The following ARSK variants were observed in gnomAD, a reference collection of about 807,000 sequenced individuals.
ARSK encodes the protein arylsulfatase family member K.
In ARSK, 37 loss-of-function variants were observed where a neutral mutation model predicts 53.2. That is an observed-to-expected ratio of 0.70 (90% CI 0.54 to 0.92). The LOEUF (loss-of-function observed/expected upper bound fraction) is 0.92, where lower values mean the gene tolerates loss of function less well. Ranked by LOEUF, ARSK falls within the 40% of genes least tolerant of loss-of-function variation. The pLI is 0.00. For missense variants in ARSK, 613 were observed against 643.0 expected, an observed-to-expected ratio of 0.95 and a Z score of 0.51; for synonymous variants, 208 against 223.2, an observed-to-expected ratio of 0.93 and a Z score of 0.61.
chr5:95,555,495 C>G lies in ARSK; in HGVS notation c.126+91C>G, dbSNP rs1748478784. The G allele has an allele frequency of 7.2e-7, 1 of 1,384,872 alleles. No individual in the cohort carries two copies. Among genetic ancestry groups the G allele is most frequent in the Non-Finnish European group, 9.6e-7 (1 of 1,043,182 alleles). 85.8% of individuals were successfully genotyped at this position (1,384,872 alleles called of 1,614,324 possible). ...TGCTGCAGGCTTTGGGGAGCAGAAC[C>G]TGAGACATTTTCAAACACCTTTTAC... On this transcript the variant is annotated intron_variant, in intron 1 of 7. Transcript: ENST00000380009. The surrounding 1 kb of genome is among the most constrained non-coding windows in gnomAD (Gnocchi z 4.0).
chr5:95,595,851 A>AT lies in ARSK; in HGVS notation c.1096+4230dup, dbSNP rs200126991. Among the ~76,000 whole-genome samples, 723 of 152,346 alleles carry AT rather than the reference A, an allele frequency of 4.7e-3. 3 individuals carry two copies. The highest frequency in any genetic ancestry group is 0.016 in the African/African-American group (677 of 41,584). ...AAACGTTGAAAAAAAAAGTCAATTA[A>AT]TTTTAACAAGTGAAATGTGTGAAAA... On this transcript the variant is annotated intron_variant, in intron 6 of 7. Coordinates refer to ENST00000380009, the MANE Select transcript of ARSK (RefSeq NM_198150.3).
chr5:95,580,957 T>G (rs1392887651), intron 3 of ARSK: 3 of 1,276,772 alleles, frequency 2.3e-6, no homozygotes, highest in Non-Finnish European at 2.0e-6. Flanking sequence ...AAATACCTTT[T>G]GCCTTTAACC....
chr5:95,601,330 A>G (rs2112451448), intron 7 of ARSK, among the ~76,000 whole-genome samples: 1 of 152,330 alleles, frequency 6.6e-6, no homozygotes, highest in South Asian at 2.1e-4. Flanking sequence ...GGCATCTTTC[A>G]GTACTCATGG....
At chr5:95,589,301 G>A (rs747542512) in intron 5 of ARSK, among the ~76,000 whole-genome samples, 13 of 152,148 alleles carry the variant, frequency 8.5e-5, no homozygotes, top group Admixed American at 6.5e-5. Context: ...TAAGTTCCAG[G>A]GTACATGTGC....
chr5:95,580,894 A>G, intron 3 of ARSK: 1 of 1,287,514 alleles, frequency 7.8e-7, no homozygotes, highest in South Asian at 1.2e-5. Flanking sequence ...CACTTTAGGC[A>G]CAGTGAACGT....
chr5:95,582,956 C>T lies in ARSK; in HGVS notation c.457C>T (p.Leu153Phe). 6.2e-7 allele frequency: 1 copy of T among 1,612,006 alleles called. No homozygotes were observed. The highest frequency in any genetic ancestry group is 8.5e-7 in the Non-Finnish European group (1 of 1,178,622). The change falls in exon 4 of 8, where the codon CTC becomes TTC. Residue 153 changes from leucine to phenylalanine, a missense_variant. Transcript: ENST00000380009. ...GTGGACAAGAGATGTTGCTTTCTTACTCAGACAAGAAGGCAGGCCCATGGT... is the reference window on the plus strand; with the variant it reads ...GTGGACAAGAGATGTTGCTTTCTTATTCAGACAAGAAGGCAGGCCCATGGT... ...EAWTRDVAFL[L>F]RQEGRPMVNL...
intron 6 of ARSK, among the ~76,000 whole-genome samples, chr5:95,596,829 AT>A (rs894356508): frequency 6.6e-6 from 1 of 152,126 alleles, no homozygotes; most frequent in Non-Finnish European, 1.5e-5. Context: ...TTTACAAGTC[AT>A]TTTTTAAAAG....
At chr5:95,596,487 A>G (rs1171583250) in intron 6 of ARSK, among the ~76,000 whole-genome samples, 1 of 152,194 alleles carries the variant, frequency 6.6e-6, no homozygotes, top group Admixed American at 6.5e-5. Flanking sequence ...TTTCAAGGAT[A>G]AACTTTGCTT....
rs190207591 is a variant in ARSK, at chr5:95,571,035, C to G, written c.416+2986C>G. Among the ~76,000 whole-genome samples the G allele has an allele frequency of 2.4e-3, 370 of 152,352 alleles. 3 individuals are homozygous for G. Among genetic ancestry groups the G allele is most frequent in the African/African-American group, 8.6e-3 (359 of 41,594 alleles). On this transcript the variant is annotated intron_variant, in intron 3 of 7. Transcript: ENST00000380009. ...TGACCTCATGATCTGCCCGCCTAGGCCTCCCAAAGTGTTGGGATTACAGGC... is the reference window on the plus strand; with the variant it reads ...TGACCTCATGATCTGCCCGCCTAGGGCTCCCAAAGTGTTGGGATTACAGGC...
At chr5:95,575,592 TTTAA>T (rs1220225760) in intron 3 of ARSK, among the ~76,000 whole-genome samples, 2 of 152,224 alleles carry the variant, frequency 1.3e-5, no homozygotes, top group Non-Finnish European at 2.9e-5. Flanking sequence ...CTTTTACTTC[TTTAA>T]TTAATTCCTA....
At chr5:95,581,231 C>A (rs935376073) in intron 3 of ARSK, among the ~76,000 whole-genome samples, 9 of 151,902 alleles carry the variant, frequency 5.9e-5, no homozygotes, top group East Asian at 1.9e-4. Flanking sequence ...CTTAAGGGGA[C>A]CTTGGTTAAA....
chr5:95,604,381 C>G lies in ARSK; in HGVS notation c.*855C>G, dbSNP rs953526162. On this transcript the variant is annotated 3_prime_UTR_variant, in exon 8 of 8. Transcript: ENST00000380009. ...GAAGTCTCTGTCCTTTCCCTCTTCC[C>G]TGCCATCCAGTTCCCCCTCCAAGAA... 6.6e-6 allele frequency: 1 copy of G among 152,168 alleles called. No individual in the cohort carries two copies. The allele number at this position is 152,168 out of a possible 1,614,324, so 9.4% of individuals were successfully genotyped here. A position where few individuals can be genotyped will look rare whatever the true frequency, so the allele number is the denominator to read the frequency against.
chr5:95,602,955 C>T (rs1363880737), intron 7 of ARSK, among the ~76,000 whole-genome samples: 1 of 151,760 alleles, frequency 6.6e-6, no homozygotes, highest in Non-Finnish European at 1.5e-5. Flanking sequence ...TGTTCTAAAC[C>T]AGCTTACTAA....
At chr5:95,561,264 A>G (rs1167905205) in intron 1 of ARSK, among the ~76,000 whole-genome samples, 1 of 152,236 alleles carries the variant, frequency 6.6e-6, no homozygotes, top group East Asian at 1.9e-4. Flanking sequence ...TGAAAAAGAC[A>G]ATAACTAGAG....
rs779292975 is a variant in ARSK, at chr5:95,566,089, C to T, written c.218C>T (p.Ala73Val). Residue 73 changes from alanine (A) to valine (V), a missense_variant, in exon 2 of 8, where the codon GCC becomes GTC. By Grantham distance (64) the Ala-to-Val change is moderately conservative. Coordinates refer to ENST00000380009, the MANE Select transcript of ARSK (RefSeq NM_198150.3). Reference sequence around the variant, plus strand: ...ACACGTGGGACTTCCTTTCTGAATGCCTACACAAACTCTCCAATTTGTTGC... The same window carrying T: ...ACACGTGGGACTTCCTTTCTGAATGTCTACACAAACTCTCCAATTTGTTGC... ...MKTRGTSFLN[A>V]YTNSPICCPS... is the part of the protein sequence containing the mutation. The T allele has an allele frequency of 6.2e-7, 1 of 1,613,670 alleles. No homozygotes were observed. The highest frequency in any genetic ancestry group is 8.5e-7 in the Non-Finnish European group (1 of 1,179,838).
intron 1 of ARSK, 129 bp from the exon 2 acceptor site, chr5:95,565,869 T>C: frequency 1.1e-6 from 1 of 881,058 alleles, no homozygotes; most frequent in Non-Finnish European, 1.7e-6. Context: ...TATACTTGTT[T>C]TGTTTTTATC....
chr5:95,587,224 C>G (rs1749128845), intron 5 of ARSK, among the ~76,000 whole-genome samples: 1 of 152,124 alleles, frequency 6.6e-6, no homozygotes, highest in Non-Finnish European at 1.5e-5. Context: ...CAGAATCATA[C>G]CGAATTTTCT....
intron 5 of ARSK, among the ~76,000 whole-genome samples, chr5:95,589,942 T>G (rs1007371682): frequency 6.6e-6 from 1 of 152,226 alleles, no homozygotes; most frequent in Non-Finnish European, 1.5e-5. Flanking sequence ...CAAAATCTGT[T>G]GTTTCTTGAC....
intron 5 of ARSK, among the ~76,000 whole-genome samples, chr5:95,588,901 G>T (rs1451830936): frequency 6.6e-6 from 1 of 152,128 alleles, no homozygotes; most frequent in African/African-American, 2.4e-5. Context: ...GGCGGAGGTT[G>T]CAGTGAACCA....
Sources: gnomAD v4.1 joint callset for allele counts (sites outside exome capture counted in the v4.1 genomes callset) on GRCh38, gnomAD v4.1.1 for gene constraint, Gnocchi (gnomAD v3.1) non-coding constraint, MANE v1.5 for transcripts, NCBI Gene and HGNC (gene_info 2026-07-23, HGNC 2026-07-21) for gene names.